ATP6V0A1: variants seen among roughly 807,000 people sequenced by gnomAD.
ATP6V0A1 encodes the protein ATPase H+ transporting V0 subunit a1, also known as V-type proton ATPase 116 kDa subunit a 1.
ATP6V0A1 carries 43 observed loss-of-function variants against 105.4 expected under a neutral mutation model. The observed-to-expected ratio is 0.41, with a 90% CI of 0.32 to 0.53. ATP6V0A1 has a LOEUF of 0.53. ATP6V0A1 is among the 20% of genes least tolerant of loss of function. The probability of loss-of-function intolerance (pLI) is 0.30; values close to 1 mark genes in which losing one functional copy is unlikely to be tolerated. For missense variants in ATP6V0A1, 676 were observed against 1,051.1 expected (o/e 0.64, Z 4.93); for synonymous variants, 362 against 372.8 (o/e 0.97, Z 0.33).
At chr17:42,460,767 T>G in intron 1 of ATP6V0A1, 81 bp from the exon 2 acceptor site, 1 of 715,712 alleles carries the variant, frequency 1.4e-6, no homozygotes, top group Non-Finnish European at 2.5e-6. Context: ...GAAATGTAAA[T>G]GCAAGAGCCG....
chr17:42,476,458 A>AT (rs2088759286), intron 5 of ATP6V0A1, among the ~76,000 whole-genome samples: 2 of 152,058 alleles, frequency 1.3e-5, no homozygotes, highest in African/African-American at 2.4e-5. Context: ...AACTCTTCTG[A>AT]TTTTTTGTCT....
intron 5 of ATP6V0A1, chr17:42,470,483 T>C (rs1210401738): frequency 3.1e-6 from 1 of 319,672 alleles, no homozygotes; most frequent in Non-Finnish European, 6.0e-6. Flanking sequence ...ATAAACATAG[T>C]TAGTATAAAT....
intron 18 of ATP6V0A1, 39 bp downstream of exon 18, chr17:42,507,666 C>A: frequency 6.5e-7 from 1 of 1,546,134 alleles, no homozygotes; most frequent in Non-Finnish European, 8.9e-7. Context: ...CCTTCCACCT[C>A]GGGTCAGCCC....
At chr17:42,485,567 TGTTTTA>T in intron 9 of ATP6V0A1, among the ~76,000 whole-genome samples, 1 of 152,028 alleles carries the variant, frequency 6.6e-6, no homozygotes, top group Non-Finnish European at 1.5e-5. Flanking sequence ...TGTTTTGTTT[TGTTTTA>T]AAGACAGATC....
At chr17:42,492,012 C>T (rs1390277770) in intron 11 of ATP6V0A1, among the ~76,000 whole-genome samples, 2 of 152,150 alleles carry the variant, frequency 1.3e-5, no homozygotes, top group African/African-American at 4.8e-5. Flanking sequence ...AGTGAGACCC[C>T]ATCTCTATTA....
chr17:42,467,493 G>A (rs1317011833), intron 3 of ATP6V0A1, among the ~76,000 whole-genome samples: 2 of 152,166 alleles, frequency 1.3e-5, no homozygotes, highest in Admixed American at 1.3e-4. Context: ...CTGGTATTTT[G>A]TGTCCTTATT....
chr17:42,466,410 TTG>T lies in ATP6V0A1; in HGVS notation c.118-15_118-14del, dbSNP rs746682443. 3.8e-6 allele frequency: 6 copies of T among 1,576,020 alleles called. No homozygotes were observed. Among genetic ancestry groups the T allele is most frequent in the Non-Finnish European group, 5.2e-6 (6 of 1,145,784 alleles). On this transcript the variant is annotated splice_polypyrimidine_tract_variant and intron_variant, in intron 2 of 21. Coordinates refer to ENST00000343619, the MANE Select transcript of ATP6V0A1 (RefSeq NM_001130021.3). Reference sequence around the variant, plus strand: ...AGATACAATATTTCAATGTTTGGTATTGTGTTTTTATTTTTCAGTTAAATCCA... The same window carrying T: ...AGATACAATATTTCAATGTTTGGTATTGTTTTTATTTTTCAGTTAAATCCA...
At chr17:42,514,674 C>A (rs1567873023) in intron 21 of ATP6V0A1, among the ~76,000 whole-genome samples, 1 of 152,172 alleles carries the variant, frequency 6.6e-6, no homozygotes, top group African/African-American at 2.4e-5. Flanking sequence ...TCCCTAGGCT[C>A]TAGGGAGATG....
In ATP6V0A1 at chr17:42,495,616, G is replaced by A. The variant is rs1275386800; in HGVS notation, c.1470-10G>A. 9 of 1,602,382 alleles carry A rather than the reference G, an allele frequency of 5.6e-6. No individual in the cohort carries two copies. In the Admixed American group the frequency reaches 6.7e-5, roughly 12 times the overall value. ...TCAAAAATAATGTGACTTTTTCCCT[G>A]TCATGGTAGTGAAGAGACGCTTCGG... On this transcript the variant is annotated splice_polypyrimidine_tract_variant and intron_variant, in intron 13 of 21. Transcript: ENST00000343619.
At chr17:42,514,954 G>A (rs967112708) in intron 21 of ATP6V0A1, among the ~76,000 whole-genome samples, 3 of 152,262 alleles carry the variant, frequency 2.0e-5, no homozygotes, top group African/African-American at 4.8e-5. Context: ...ATTGTGGACC[G>A]GAGGGATTCC....
At chr17:42,467,706 G>A (rs1399861894) in intron 3 of ATP6V0A1, among the ~76,000 whole-genome samples, 5 of 152,108 alleles carry the variant, frequency 3.3e-5, no homozygotes, top group African/African-American at 1.2e-4. Context: ...TGGCATTCGC[G>A]TATGGAGGAG....
intron 9 of ATP6V0A1, 40 bp downstream of exon 9, chr17:42,483,171 C>T (rs2089733170): frequency 7.2e-7 from 1 of 1,383,860 alleles, no homozygotes; most frequent in Non-Finnish European, 9.7e-7. Flanking sequence ...TTGTGAAATA[C>T]TGGAATACGA....
Position 42,480,717 on chromosome 17 carries a change from G to A in ATP6V0A1, c.684G>A (p.Gln228=). 10 of 1,613,880 alleles carry A rather than the reference G, an allele frequency of 6.2e-6. No individual in the cohort carries two copies. The highest frequency in any genetic ancestry group is 8.5e-6 in the Non-Finnish European group (10 of 1,179,906). ...SVFIIFFQGD[Q]LKNRVKKICE... is the part of the protein sequence containing the mutation. ...TTATCATTTTCTTCCAAGGCGATCAGCTGAAAAACAGAGTCAAGAAAATCT... is the reference window on the plus strand; with the variant it reads ...TTATCATTTTCTTCCAAGGCGATCAACTGAAAAACAGAGTCAAGAAAATCT... Residue 228 remains glutamine (Q), a synonymous_variant, in exon 8 of 22, where the codon CAG becomes CAA. Coordinates refer to ENST00000343619, the MANE Select transcript of ATP6V0A1 (RefSeq NM_001130021.3).
At chr17:42,461,888 T>G (rs1426641085) in intron 2 of ATP6V0A1, among the ~76,000 whole-genome samples, 1 of 151,884 alleles carries the variant, frequency 6.6e-6, no homozygotes, top group Non-Finnish European at 1.5e-5. Context: ...TTCTTTTACT[T>G]ATGCTGTACT....
rs768568465 is a variant in ATP6V0A1 at position 42,497,931 on chromosome 17, C to CA, written c.1561-983dup. ...TGGGTGACAGAGCGAGAGTTCATCT[C>CA]AAAAAAAAAAGAAAAAAAAAAAAAG... On this transcript the variant is annotated intron_variant, in intron 14 of 21. Coordinates refer to ENST00000343619, the MANE Select transcript of ATP6V0A1 (RefSeq NM_001130021.3). Among the ~76,000 whole-genome samples, 90 of 106,664 alleles carry CA rather than the reference C, an allele frequency of 8.4e-4. 1 individual carries two copies. The East Asian group carries it at 0.017, about 21-fold the overall frequency. The allele number at this position is 106,664 out of a possible 152,430, so 70.0% of individuals were successfully genotyped here. A position where few individuals can be genotyped will look rare whatever the true frequency, so the allele number is the denominator to read the frequency against.
chr17:42,459,034 C>A (rs1013284280), intron 1 of ATP6V0A1, 71 bp downstream of exon 1: 1 of 152,360 alleles, frequency 6.6e-6, no homozygotes. Context: ...CTTCTAAGAG[C>A]CCCCTTGATT....
intron 17 of ATP6V0A1, 101 bp from the exon 18 acceptor site, chr17:42,507,419 T>C (rs1036911465): frequency 9.8e-6 from 8 of 817,522 alleles, no homozygotes; most frequent in South Asian, 3.3e-5. Flanking sequence ...GTTAGACATA[T>C]GCTTTTCTGA....
chr17:42,504,529 C>T (rs1482120580), intron 17 of ATP6V0A1, among the ~76,000 whole-genome samples: 1 of 152,096 alleles, frequency 6.6e-6, no homozygotes, highest in African/African-American at 2.4e-5. Context: ...CTGTGCCCTT[C>T]GTTGCATTTT....
At position 42,480,966 on chromosome 17, in the gene ATP6V0A1, G is replaced by T. The variant is rs571009227; in HGVS notation, c.716+217G>T. On this transcript the variant is annotated intron_variant, in intron 8 of 21. Transcript: ENST00000343619. ...TGGGGGGGTCTCACTCTGTTGCCCAGGCTGGAGTGCAGTGGCATGATCACG... is the reference window on the plus strand; with the variant it reads ...TGGGGGGGTCTCACTCTGTTGCCCATGCTGGAGTGCAGTGGCATGATCACG... The T allele has an allele frequency of 7.3e-5, 28 of 384,972 alleles. No individual in the cohort carries two copies. In the South Asian group the frequency reaches 8.0e-4, roughly 11 times the overall value. 23.8% of individuals were successfully genotyped at this position (384,972 alleles called of 1,614,324 possible). A position where few individuals can be genotyped will look rare whatever the true frequency, so the allele number is the denominator to read the frequency against.
Sources: gnomAD v4.1 joint callset for allele counts (sites outside exome capture counted in the v4.1 genomes callset) on GRCh38, gnomAD v4.1.1 for gene constraint, MANE v1.5 for transcripts, NCBI Gene and HGNC (gene_info 2026-07-23, HGNC 2026-07-21) for gene names.